Variants in CDH4 observed in about 807,000 individuals in gnomAD.
The protein encoded by CDH4 is cadherin 4.
CDH4 carries 33 observed loss-of-function variants against 86.0 expected under a neutral mutation model. The observed-to-expected ratio is 0.38, with a 90% confidence interval of 0.29 to 0.51. CDH4 has a LOEUF of 0.51. Among genes scored for constraint, CDH4 ranks in the 20% least tolerant of loss-of-function variants. The pLI is 0.86. For synonymous variants in CDH4, 555 were observed against 549.4 expected (o/e 1.01, Z -0.14); for missense variants, 1,114 against 1,307.4 (o/e 0.85, Z 2.28).
At position 61,325,391 on chromosome 20, in the gene CDH4, C is replaced by T. The variant is rs16984977; in HGVS notation, c.169+70454C>T. Among the ~76,000 whole-genome samples, 864 of 152,278 alleles carry T rather than the reference C, an allele frequency of 5.7e-3. 5 individuals are homozygous for T. The highest frequency in any genetic ancestry group is 0.012 in the South Asian group (60 of 4,824). ...TTGCTATTTTAAATTCTGTTAATGT[C>T]CCCTTACCTGTAGATAGTAGGGCCT... On this transcript the variant is annotated intron_variant, in intron 2 of 15. Transcript: ENST00000614565.
Position 61,269,863 on chromosome 20 carries a change from A to G in CDH4, c.169+14926A>G. Among the ~76,000 whole-genome samples the G allele has an allele frequency of 6.6e-6, 1 of 152,126 alleles. No individual in the cohort carries two copies. On this transcript the variant is annotated intron_variant, in intron 2 of 15. Transcript: ENST00000614565. The surrounding 1 kb of genome is among the most constrained non-coding windows in gnomAD (Gnocchi z 5.3). ...GACGCATGACCGGACCTCCAGAGCC[A>G]GTGGTACTCATTTCCACATGGCCCC... is the stretch of plus-strand genomic sequence containing the variant.
At chr20:61,254,804 A>C (rs1439568233) in intron 1 of CDH4, 22 bp from the exon 2 acceptor site, 6 of 1,359,138 alleles carry the variant, frequency 4.4e-6, no homozygotes, top group South Asian at 1.2e-5. Context: ...ATTGTTTTAC[A>C]CTCTCCCCTT....
At chr20:61,874,075 C>G (rs1983919031) in intron 7 of CDH4, among the ~76,000 whole-genome samples, 175 bp downstream of exon 7, 1 of 152,200 alleles carries the variant, frequency 6.6e-6, no homozygotes, top group Admixed American at 6.5e-5. Context: ...GAGCACTCAG[C>G]ACCGGCTGCT....
At chr20:61,758,009 G>C (rs556050457) in intron 3 of CDH4, among the ~76,000 whole-genome samples, 21 of 152,306 alleles carry the variant, frequency 1.4e-4, no homozygotes, top group African/African-American at 4.3e-4. Context: ...TTGGGGACAC[G>C]ACAGAGGACG....
At position 61,883,821 on chromosome 20, in the gene CDH4, C is replaced by T. The variant is rs1395284055; in HGVS notation, c.1050+9921C>T. ...CCAGACATCTAGACTCTTCTAATCA[C>T]CAGCAGTCATTCCTGGCAGCTCCTC... On this transcript the variant is annotated intron_variant, in intron 7 of 15. Coordinates refer to ENST00000614565, the MANE Select transcript of CDH4 (RefSeq NM_001794.5). Among the ~76,000 whole-genome samples, 7 of 152,322 alleles carry T rather than the reference C, an allele frequency of 4.6e-5. No homozygotes were observed. In the East Asian group the frequency reaches 1.2e-3, roughly 25 times the overall value.
chr20:61,788,847 G>A (rs895805534), intron 4 of CDH4, among the ~76,000 whole-genome samples: 3 of 152,206 alleles, frequency 2.0e-5, no homozygotes, highest in African/African-American at 4.8e-5. Flanking sequence ...AAGTAGATGC[G>A]TGGGAGGGGA....
intron 2 of CDH4, among the ~76,000 whole-genome samples, chr20:61,596,793 C>T (rs2145738815): frequency 6.6e-6 from 1 of 152,292 alleles, no homozygotes; most frequent in African/African-American, 2.4e-5. Flanking sequence ...GACTCCTTCC[C>T]ACCCAGGCAT....
intron 2 of CDH4, among the ~76,000 whole-genome samples, chr20:61,331,209 G>A (rs898446022): frequency 6.6e-6 from 1 of 151,912 alleles, no homozygotes; most frequent in Non-Finnish European, 1.5e-5. Context: ...GGCCACAGCT[G>A]CACCATCTCC....
chr20:61,580,520 C>T (rs1481301734), intron 2 of CDH4, among the ~76,000 whole-genome samples: 2 of 152,148 alleles, frequency 1.3e-5, no homozygotes, highest in South Asian at 2.1e-4. Flanking sequence ...TTGACACCTT[C>T]GTAAGTCTCT....
intron 2 of CDH4, among the ~76,000 whole-genome samples, chr20:61,325,324 G>A (rs1047874883): frequency 5.3e-5 from 8 of 152,272 alleles, no homozygotes; most frequent in African/African-American, 9.6e-5. Flanking sequence ...TCACGTGGCC[G>A]TAAGGCAAAT....
intron 2 of CDH4, among the ~76,000 whole-genome samples, chr20:61,697,681 G>A (rs60579252): frequency 0.11 from 16,909 of 152,208 alleles, 1,472 homozygotes; most frequent in East Asian, 0.35. Flanking sequence ...CAGGGTTCCC[G>A]ACTGCAAACC....
At chr20:61,550,946 G>C (rs569247136) in intron 2 of CDH4, among the ~76,000 whole-genome samples, 34 of 152,370 alleles carry the variant, frequency 2.2e-4, no homozygotes, top group Non-Finnish European at 3.7e-4. Flanking sequence ...GATGGGGAGA[G>C]TGGGAAGAGT....
In CDH4 at chr20:61,934,239, TG is replaced by T; in HGVS notation, c.2544+25del. 2 of 1,514,822 alleles carry T rather than the reference TG, an allele frequency of 1.3e-6. No homozygotes were observed. Among genetic ancestry groups the T allele is most frequent in the Non-Finnish European group, 1.8e-6 (2 of 1,129,346 alleles). The allele number at this position is 1,514,822 out of a possible 1,614,324, so 93.8% of individuals were successfully genotyped here. On this transcript the variant is annotated intron_variant, in intron 15 of 15. Transcript: ENST00000614565. ...CAATGAGGTGTGTGCCTCTCGGCAG[TG>T]GGGGGCCCGGGCAAGGTGTCTCCTC...
At chr20:61,548,006 C>T (rs2086101817) in intron 2 of CDH4, among the ~76,000 whole-genome samples, 1 of 152,144 alleles carries the variant, frequency 6.6e-6, no homozygotes, top group Non-Finnish European at 1.5e-5. Context: ...GAGGCCTTTG[C>T]TTCCTGTGAT....
At chr20:61,778,471 C>G (rs1483073917) in intron 4 of CDH4, among the ~76,000 whole-genome samples, 1 of 152,106 alleles carries the variant, frequency 6.6e-6, no homozygotes, top group African/African-American at 2.4e-5. Context: ...TAAGCACTAA[C>G]GGCACCACGC....
intron 2 of CDH4, among the ~76,000 whole-genome samples, chr20:61,554,860 A>G (rs1339431837): frequency 2.7e-5 from 4 of 149,684 alleles, no homozygotes; most frequent in Admixed American, 2.0e-4. Context: ...GTGAGTTCGC[A>G]TGTTTGTGTG....
At chr20:61,592,388 C>T (rs1017972541) in intron 2 of CDH4, among the ~76,000 whole-genome samples, 2 of 152,024 alleles carry the variant, frequency 1.3e-5, no homozygotes, top group East Asian at 1.9e-4. Flanking sequence ...CAGGGGCGCC[C>T]GTCATCCATG....
intron 2 of CDH4, among the ~76,000 whole-genome samples, chr20:61,491,776 G>A (rs74177961): frequency 1.0e-3 from 155 of 152,140 alleles, no homozygotes; most frequent in Admixed American, 2.2e-3. Flanking sequence ...TGCTCTTGAT[G>A]TTGATGCTGA....
At chr20:61,508,350 G>A (rs969270889) in intron 2 of CDH4, among the ~76,000 whole-genome samples, 2 of 152,222 alleles carry the variant, frequency 1.3e-5, no homozygotes, top group Non-Finnish European at 2.9e-5. Context: ...CTCAGTGACC[G>A]GGGCCACTTC....
Sources: gnomAD v4.1 joint callset for allele counts (sites outside exome capture counted in the v4.1 genomes callset) on GRCh38, gnomAD v4.1.1 for gene constraint, Gnocchi (gnomAD v3.1) non-coding constraint, MANE v1.5 for transcripts, NCBI Gene and HGNC (gene_info 2026-07-23, HGNC 2026-07-21) for gene names.